Variants in METTL25 observed in about 807,000 individuals in gnomAD.
The protein encoded by METTL25 is probable methyltransferase-like protein 25.
METTL25 carries 64 observed loss-of-function variants against 71.6 expected under a neutral mutation model. The observed-to-expected ratio is 0.89, with a 90% CI of 0.73 to 1.10. METTL25 has a LOEUF of 1.10. METTL25 is among the 50% of genes least tolerant of loss of function. The pLI is 0.00. For synonymous variants in METTL25, 287 were observed against 250.3 expected, an observed-to-expected ratio of 1.15 and a Z score of -1.38; for missense variants, 807 against 707.0, an observed-to-expected ratio of 1.14 and a Z score of -1.60.
chr12:82,453,871 G>A (rs1421036176), intron 8 of METTL25, among the ~76,000 whole-genome samples: 1 of 152,008 alleles, frequency 6.6e-6, no homozygotes, highest in East Asian at 1.9e-4. Flanking sequence ...ACTATGCTAG[G>A]TTCTGGGGAT....
chr12:82,393,498 C>G lies in METTL25; in HGVS notation c.531+3576C>G, dbSNP rs374773868. On this transcript the variant is annotated intron_variant, in intron 3 of 11. Transcript: ENST00000248306. ...TGTATCCTGCAACTGTACTGAATTT[C>G]TTTATCAGTTCTAATCGTTTTTTGA... Among the ~76,000 whole-genome samples, 10 of 152,000 alleles carry G rather than the reference C, an allele frequency of 6.6e-5. No homozygotes were observed. In the East Asian group the frequency reaches 1.9e-3, roughly 29 times the overall value.
rs571151719 is a variant in METTL25, at chr12:82,463,389, CAT to C, written c.1572+6570_1572+6571del. On this transcript the variant is annotated intron_variant, in intron 9 of 11. Transcript: ENST00000248306. ...TAACCTAATGATCTACAGTTCTACACATGTTGCCAGGAATGAAGGATTTCATT... is the reference window on the plus strand; with the variant it reads ...TAACCTAATGATCTACAGTTCTACACGTTGCCAGGAATGAAGGATTTCATT... Among the ~76,000 whole-genome samples, 312 of 152,090 alleles carry C rather than the reference CAT, an allele frequency of 2.1e-3. 1 individual carries two copies. Among genetic ancestry groups the C allele is most frequent in the African/African-American group, 7.2e-3 (298 of 41,536 alleles).
intron 5 of METTL25, among the ~76,000 whole-genome samples, chr12:82,418,102 G>T (rs1387893295): frequency 6.6e-6 from 1 of 152,150 alleles, no homozygotes; most frequent in Admixed American, 6.6e-5. Context: ...CTTTGCAAGA[G>T]ATAGTTAAAT....
At chr12:82,378,258 G>T (rs1378294731) in intron 1 of METTL25, among the ~76,000 whole-genome samples, 2 of 152,042 alleles carry the variant, frequency 1.3e-5, no homozygotes, top group Non-Finnish European at 2.9e-5. Flanking sequence ...TAACATTTAG[G>T]TTGGGTATTT....
intron 9 of METTL25, among the ~76,000 whole-genome samples, chr12:82,472,361 G>A (rs1892619876): frequency 2.0e-5 from 3 of 152,150 alleles, no homozygotes; most frequent in South Asian, 2.1e-4. Context: ...CACTTTGGGA[G>A]GCCAAAGCAG....
intron 9 of METTL25, among the ~76,000 whole-genome samples, chr12:82,474,159 G>GATGTT (rs1892743729): frequency 1.3e-5 from 2 of 152,164 alleles, no homozygotes; most frequent in African/African-American, 4.8e-5. Context: ...TTGTAGAAAG[G>GATGTT]ATGGTAAGTG....
intron 5 of METTL25, among the ~76,000 whole-genome samples, chr12:82,425,613 A>G (rs923465689): frequency 2.6e-5 from 4 of 152,078 alleles, no homozygotes; most frequent in African/African-American, 9.7e-5. Context: ...TGCTGCTGAC[A>G]TGGTTAATGT....
intron 11 of METTL25, among the ~76,000 whole-genome samples, chr12:82,477,766 A>G (rs1892962682): frequency 6.6e-6 from 1 of 151,788 alleles, no homozygotes; most frequent in South Asian, 2.1e-4. Context: ...CTTCTTTCTG[A>G]TCAAGGAAGA....
At chr12:82,451,082 C>T (rs1891116322) in intron 8 of METTL25, among the ~76,000 whole-genome samples, 1 of 152,144 alleles carries the variant, frequency 6.6e-6, no homozygotes, top group South Asian at 2.1e-4. Context: ...AAGAACCTGA[C>T]TCCAGAGTAT....
intron 5 of METTL25, among the ~76,000 whole-genome samples, chr12:82,414,306 A>G (rs1424818076): frequency 6.6e-6 from 1 of 152,170 alleles, no homozygotes; most frequent in African/African-American, 2.4e-5. Flanking sequence ...TCTGTGCACA[A>G]TTTACCTCAC....
At chr12:82,477,403 A>C (rs774631446) in intron 11 of METTL25, 51 bp downstream of exon 11, 1 of 920,684 alleles carries the variant, frequency 1.1e-6, no homozygotes, top group East Asian at 2.6e-5. Flanking sequence ...TAAATACAGT[A>C]ATATAGAGCC....
intron 1 of METTL25, among the ~76,000 whole-genome samples, chr12:82,375,963 A>G (rs764101770): frequency 3.2e-4 from 49 of 152,202 alleles, no homozygotes; most frequent in African/African-American, 1.1e-3. Flanking sequence ...GTACATCTCA[A>G]TAAGGAGGAT....
At chr12:82,378,160 G>C (rs1412751225) in intron 1 of METTL25, among the ~76,000 whole-genome samples, 1 of 152,294 alleles carries the variant, frequency 6.6e-6, no homozygotes, top group Non-Finnish European at 1.5e-5. Flanking sequence ...TATCAGACCA[G>C]TGTCTTTAGG....
chr12:82,372,547 C>T (rs1883350343), intron 1 of METTL25, among the ~76,000 whole-genome samples: 1 of 152,182 alleles, frequency 6.6e-6, no homozygotes, highest in South Asian at 2.1e-4. Flanking sequence ...TTCCCTTTTA[C>T]AGAAAAGGTC....
chr12:82,477,599 T>A (rs140377835), intron 11 of METTL25, among the ~76,000 whole-genome samples: 21 of 151,880 alleles, frequency 1.4e-4, no homozygotes, highest in African/African-American at 4.3e-4. Context: ...TTACTATACA[T>A]AGGCAGTGAA....
chr12:82,413,905 T>G (rs1887751062), intron 5 of METTL25, among the ~76,000 whole-genome samples: 2 of 151,766 alleles, frequency 1.3e-5, no homozygotes, highest in African/African-American at 4.8e-5. Context: ...AGTATAATAA[T>G]GGCCATAAAT....
chr12:82,467,862 A>C (rs952136957), intron 9 of METTL25, among the ~76,000 whole-genome samples: 2 of 152,122 alleles, frequency 1.3e-5, no homozygotes. Flanking sequence ...ACTATTATTT[A>C]ATTAAGTATG....
chr12:82,402,762 G>A (rs975820678), intron 4 of METTL25, among the ~76,000 whole-genome samples: 5 of 151,996 alleles, frequency 3.3e-5, no homozygotes, highest in Non-Finnish European at 4.4e-5. Flanking sequence ...TGCTGTGGGC[G>A]GTACAATGTG....
chr12:82,392,249 T>TC (rs993638044), intron 3 of METTL25, among the ~76,000 whole-genome samples: 1 of 121,218 alleles, frequency 8.2e-6, no homozygotes, highest in African/African-American at 3.0e-5. Flanking sequence ...ATGCTATCCC[T>TC]CCCCCCTCCC....
Sources: gnomAD v4.1 joint callset for allele counts (sites outside exome capture counted in the v4.1 genomes callset) on GRCh38, gnomAD v4.1.1 for gene constraint, MANE v1.5 for transcripts, NCBI Gene and HGNC (gene_info 2026-07-23, HGNC 2026-07-21) for gene names.